PCDH18: variants seen among roughly 807,000 people sequenced by gnomAD.
PCDH18 encodes protocadherin-18.
In PCDH18, 38 loss-of-function variants were observed where a neutral mutation model predicts 71.5. That is an observed-to-expected ratio of 0.53 (90% CI 0.41 to 0.70). The LOEUF (loss-of-function observed/expected upper bound fraction) is 0.70. Among genes scored for constraint, PCDH18 ranks in the 30% least tolerant of loss-of-function variants. The pLI, the probability that PCDH18 is intolerant of heterozygous loss-of-function variation, is 0.00. For synonymous variants in PCDH18, 565 were observed against 505.4 expected (o/e 1.12, Z -1.58); for missense variants, 1,334 against 1,384.6 (o/e 0.96, Z 0.58).
intron 3 of PCDH18, among the ~76,000 whole-genome samples, chr4:137,523,437 T>A (rs1341933591): frequency 1.3e-5 from 2 of 151,842 alleles, no homozygotes; most frequent in Admixed American, 6.6e-5. Flanking sequence ...AAAATAACAA[T>A]CATAGTGGTA....
Position 137,530,508 on chromosome 4 carries a change from G to T in PCDH18, c.1581C>A (p.Ile527=). The change falls in exon 1 of 4, where the codon ATC becomes ATA. Residue 527 remains isoleucine, a synonymous_variant. Transcript: ENST00000344876. ...YVTIDPSNGA[I]YALRIFDHEE... ...CATGATCAAAGATTCTGAGGGCATA[G>T]ATGGCTCCATTAGATGGGTCAATGG... is the stretch of plus-strand genomic sequence containing the variant. 6.2e-7 allele frequency: 1 copy of T among 1,613,942 alleles called. No homozygotes were observed. The highest frequency in any genetic ancestry group is 8.5e-7 in the Non-Finnish European group (1 of 1,179,858).
intron 3 of PCDH18, among the ~76,000 whole-genome samples, chr4:137,527,141 T>C (rs1224507594): frequency 6.6e-6 from 1 of 152,096 alleles, no homozygotes; most frequent in African/African-American, 2.4e-5. Flanking sequence ...CTCTGGCTAC[T>C]GCCATCACTA....
Position 137,519,055 on chromosome 4 carries a change from A to G in PCDH18, c.*1974T>C, listed in dbSNP as rs1731214820. On this transcript the variant is annotated 3_prime_UTR_variant, in exon 4 of 4. Transcript: ENST00000344876. ...TATAAAAGTCTTTTTCTTAATGGTA[A>G]TATATACTGAAAGGAAGTGAAGTTG... 6.6e-6 allele frequency: 1 copy of G among 152,160 alleles called. No homozygotes were observed. Among genetic ancestry groups the G allele is most frequent in the East Asian group, 1.9e-4 (1 of 5,198 alleles). The allele number at this position is 152,160 out of a possible 1,614,324, so 9.4% of individuals were successfully genotyped here.
chr4:137,522,486 C>G (rs904026641), intron 3 of PCDH18, among the ~76,000 whole-genome samples: 5 of 151,836 alleles, frequency 3.3e-5, no homozygotes, highest in Non-Finnish European at 7.4e-5. Flanking sequence ...AGGAAAAAAC[C>G]CCTCTACATT....
In PCDH18 at chr4:137,530,719, T is replaced by C; in HGVS notation, c.1370A>G (p.Asp457Gly). Reference protein sequence around the residue: ...TVKHFTVQINDINDNPPHFQR... With the variant: ...TVKHFTVQINGINDNPPHFQR... ...GAAGTGGGGTGGATTGTCATTGATA[T>C]CATTGATTTGAACTGTAAAATGTTT... The change falls in exon 1 of 4, where the codon GAT (aspartate) becomes GGT (glycine). Residue 457 changes from aspartate (D) to glycine (G), a missense_variant. Asp to Gly is a moderately conservative substitution (Grantham distance 94). Around this residue, in one of 3 missense-constraint regions of PCDH18, gnomAD observed 1,011 missense variants for 1,048.0 expected, o/e 0.96. Coordinates refer to ENST00000344876, the MANE Select transcript of PCDH18 (RefSeq NM_019035.5). 6.2e-7 allele frequency: 1 copy of C among 1,613,238 alleles called. No individual in the cohort carries two copies. The highest frequency in any genetic ancestry group is 1.1e-5 in the South Asian group (1 of 91,012).
intron 3 of PCDH18, among the ~76,000 whole-genome samples, chr4:137,523,019 A>C (rs559272592): frequency 6.6e-6 from 1 of 152,204 alleles, no homozygotes; most frequent in African/African-American, 2.4e-5. Flanking sequence ...TTAAACTGCA[A>C]GAGTCCCAAA....
In PCDH18 at chr4:137,530,781, G is replaced by A. The variant is rs746607893; in HGVS notation, c.1308C>T (p.Ile436=). The A allele has an allele frequency of 8.7e-6, 14 of 1,611,758 alleles. No individual in the cohort carries two copies. The East Asian group carries it at 2.0e-4, about 23-fold the overall frequency. Residue 436 remains isoleucine (I), a synonymous_variant, in exon 1 of 4, where the codon ATC becomes ATT. Coordinates refer to ENST00000344876, the MANE Select transcript of PCDH18 (RefSeq NM_019035.5). ...EKRSEYSLTV[I]AEDRGTPSLS... ...GACTGGGTGTCCCCCTGTCCTCAGC[G>A]ATTACAGTCAAACTATACTCAGATC...
chr4:137,531,356 C>A lies in PCDH18; in HGVS notation c.733G>T (p.Ala245Ser), dbSNP rs781444337. 6.2e-7 allele frequency: 1 copy of A among 1,613,788 alleles called. No individual in the cohort carries two copies. Among genetic ancestry groups the A allele is most frequent in the African/African-American group, 1.3e-5 (1 of 75,018 alleles). The change falls in exon 1 of 4, where the codon GCT (alanine) becomes TCT (serine). Residue 245 changes from alanine (A) to serine (S), a missense_variant. Transcript: ENST00000344876. ...SISDSNDNSPAFEQQSYIIQL... is the reference protein window; with the variant it reads ...SISDSNDNSPSFEQQSYIIQL... ...ATTATATAAGATTGCTGCTCAAAAG[C>A]AGGGCTGTTGTCATTGGAGTCTGAA...
At position 137,530,430 on chromosome 4, in the gene PCDH18, C is replaced by T. The variant is rs924894830; in HGVS notation, c.1659G>A (p.Pro553=). The T allele has an allele frequency of 3.7e-6, 6 of 1,613,972 alleles. No homozygotes were observed. Among genetic ancestry groups the T allele is most frequent in the African/African-American group, 2.7e-5 (2 of 74,912 alleles). ...CTGTGGTATTGCTTACCAGTTGCTTCGGGCTTCCTCCATCTCTTGCTTCTA... is the reference window on the plus strand; with the variant it reads ...CTGTGGTATTGCTTACCAGTTGCTTTGGGCTTCCTCCATCTCTTGCTTCTA... The part of the protein sequence containing the change: ...FVVEARDGGS[P]KQLVSNTTVV... Residue 553 remains proline (P), a synonymous_variant, in exon 1 of 4, where the codon CCG becomes CCA. Transcript: ENST00000344876.
chr4:137,524,975 C>G (rs10010962), intron 3 of PCDH18, among the ~76,000 whole-genome samples: 151,251 of 152,234 alleles, frequency 0.99, 75,140 homozygotes, highest in East Asian at 1. Context: ...TGAGAAAGGA[C>G]AGAACATAGA....
At position 137,520,733 on chromosome 4, in the gene PCDH18, G is replaced by A. The variant is rs1221591620; in HGVS notation, c.*296C>T. 2 of 269,288 alleles carry A rather than the reference G, an allele frequency of 7.4e-6. No homozygotes were observed. The highest frequency in any genetic ancestry group is 1.4e-5 in the Non-Finnish European group (2 of 142,166). 16.7% of individuals were successfully genotyped at this position (269,288 alleles called of 1,614,324 possible). A position where few individuals can be genotyped will look rare whatever the true frequency, so the allele number is the denominator to read the frequency against. On this transcript the variant is annotated 3_prime_UTR_variant, in exon 4 of 4. Transcript: ENST00000344876. ...TTGAATAGTGTATCAGATTTGAACA[G>A]TGGCTAGTTTCTACACGACTAGGAA...
chr4:137,523,339 C>CTT (rs56713394), intron 3 of PCDH18, among the ~76,000 whole-genome samples: 21 of 146,626 alleles, frequency 1.4e-4, no homozygotes, highest in East Asian at 4.0e-4. Flanking sequence ...TGTTTACCAA[C>CTT]TTTTTTTTTT....
In PCDH18 at chr4:137,531,626, G is replaced by A. The variant is rs370360358; in HGVS notation, c.463C>T (p.Arg155Cys). Reference protein sequence around the residue: ...EISESAAVGTRIPLDSAFDPD... With the variant: ...EISESAAVGTCIPLDSAFDPD... The stretch of plus-strand genomic sequence containing the variant: ...TCAAATGCACTGTCCAGGGGAATGC[G>A]AGTCCCAACTGCTGCACTCTCAGAT... Residue 155 changes from arginine to cysteine, a missense_variant, in exon 1 of 4, where the codon CGC becomes TGC. Around this residue, in one of 3 missense-constraint regions of PCDH18, gnomAD observed 1,011 missense variants for 1,048.0 expected, o/e 0.96. Coordinates refer to ENST00000344876, the MANE Select transcript of PCDH18 (RefSeq NM_019035.5). The A allele has an allele frequency of 1.3e-5, 21 of 1,613,730 alleles. No homozygotes were observed. The Admixed American group carries it at 2.7e-4, about 20-fold the overall frequency.
At position 137,521,650 on chromosome 4, in the gene PCDH18, G is replaced by T; in HGVS notation, c.2787C>A (p.Asp929Glu). 6.2e-7 allele frequency: 1 copy of T among 1,611,558 alleles called. No individual in the cohort carries two copies. The highest frequency in any genetic ancestry group is 8.5e-7 in the Non-Finnish European group (1 of 1,179,846). Reference sequence around the variant, plus strand: ...AGGGCAGTGGTGGCATCCAGCACTGGTCAGAGTGTCCCAGGACCCTGCACT... The same window carrying T: ...AGGGCAGTGGTGGCATCCAGCACTGTTCAGAGTGTCCCAGGACCCTGCACT... ...TEECRVLGHS[D>E]QCWMPPLPSP... Residue 929 changes from aspartate (D) to glutamate (E), a missense_variant, in exon 4 of 4, where the codon GAC becomes GAA. This residue lies in a region of PCDH18 where 319 missense variants were observed against 316.3 expected (regional missense o/e 1.01). Transcript: ENST00000344876.
intron 3 of PCDH18, among the ~76,000 whole-genome samples, chr4:137,522,215 T>C (rs1037202412): frequency 2.6e-5 from 4 of 152,212 alleles, no homozygotes. Context: ...ACAAATTATT[T>C]ATTGACTTGT....
rs1423160170 is a variant in PCDH18 at position 137,529,035 on chromosome 4, CA to C, written c.2488-216del. 7.5e-6 allele frequency: 4 copies of C among 531,276 alleles called. No individual in the cohort carries two copies. In the South Asian group the frequency reaches 8.5e-5, roughly 11 times the overall value. 32.9% of individuals were successfully genotyped at this position (531,276 alleles called of 1,614,324 possible). ...TCAGAGAGATTTGGATGACCTAATACAACTGACTTTTACTTTGTGAAAGAAG... is the reference window on the plus strand; with the variant it reads ...TCAGAGAGATTTGGATGACCTAATACACTGACTTTTACTTTGTGAAAGAAG... On this transcript the variant is annotated intron_variant, in intron 1 of 3. Transcript: ENST00000344876.
rs1386937705 is a variant in PCDH18, at chr4:137,529,649, G to C, written c.2440C>G (p.Pro814Ala). Residue 814 changes from proline to alanine, a missense_variant, in exon 1 of 4, where the codon CCA becomes GCA. Physicochemically the swap from Pro to Ala is conservative, Grantham distance 27. Transcript: ENST00000344876. The stretch of plus-strand genomic sequence containing the variant: ...GTGAGTTCTAATGAGAAATTCTCTG[G>C]CACGTGGTTTGATGAGATTGTCACC... ...SLVTISSNHV[P>A]ENFSLELTHA... The C allele has an allele frequency of 6.2e-7, 1 of 1,612,974 alleles. No individual in the cohort carries two copies.
chr4:137,522,104 C>G (rs1477631049), intron 3 of PCDH18, among the ~76,000 whole-genome samples: 1 of 152,078 alleles, frequency 6.6e-6, no homozygotes, highest in East Asian at 1.9e-4. Flanking sequence ...TAATACATAC[C>G]TTTGTGTAAC....
Position 137,532,083 on chromosome 4 carries a change from G to A in PCDH18, c.6C>T (p.His2=). The A allele has an allele frequency of 6.2e-7, 1 of 1,607,102 alleles. No individual in the cohort carries two copies. M[H]QMNAKMHFRF... Reference sequence around the variant, plus strand: ...TAAAGTGCATTTTAGCATTCATTTGGTGCATTGGTCAGTTTATGAGATTTC... The same window carrying A: ...TAAAGTGCATTTTAGCATTCATTTGATGCATTGGTCAGTTTATGAGATTTC... Residue 2 remains histidine, a synonymous_variant, in exon 1 of 4, where the codon CAC becomes CAT. Transcript: ENST00000344876.
Sources: allele counts gnomAD v4.1 joint callset (sites outside exome capture counted in the v4.1 genomes callset), GRCh38; gene constraint gnomAD v4.1.1; regional missense constraint gnomAD v4.1.1; transcripts MANE v1.5; gene names NCBI Gene and HGNC (gene_info 2026-07-23, HGNC 2026-07-21).